Variants in CNTNAP2 observed in about 807,000 individuals in gnomAD.
CNTNAP2 encodes contactin-associated protein-like 2.
A neutral mutation model predicts 155.2 loss-of-function variants in CNTNAP2; 98 were observed. The ratio of observed to expected loss-of-function variants is 0.63; its 90% CI spans 0.54 to 0.75. CNTNAP2 has a LOEUF of 0.75. Ranked by LOEUF, CNTNAP2 falls within the 30% of genes least tolerant of loss-of-function variation. CNTNAP2 has a pLI of 0.00. For missense variants in CNTNAP2, 1,727 were observed against 1,688.1 expected, an observed-to-expected ratio of 1.02 and a Z score of -0.40; for synonymous variants, 651 against 631.2, an observed-to-expected ratio of 1.03 and a Z score of -0.47.
At chr7:147,391,372 A>G in intron 9 of CNTNAP2, among the ~76,000 whole-genome samples, 1 of 152,026 alleles carries the variant, frequency 6.6e-6, no homozygotes, top group East Asian at 1.9e-4. Flanking sequence ...TTTTTTATGT[A>G]TATAGAGGTT....
intron 13 of CNTNAP2, among the ~76,000 whole-genome samples, chr7:147,810,639 A>G (rs1798164256): frequency 6.6e-6 from 1 of 152,190 alleles, no homozygotes. Context: ...GGCTTTCTAA[A>G]AAAGCAGTCT....
At chr7:148,191,245 G>A (rs1795199158) in intron 18 of CNTNAP2, among the ~76,000 whole-genome samples, 1 of 151,912 alleles carries the variant, frequency 6.6e-6, no homozygotes, top group South Asian at 2.1e-4. Flanking sequence ...GTCCCCTTTT[G>A]TGCACTCTTG....
At chr7:147,235,784 T>C (rs550310818) in intron 8 of CNTNAP2, among the ~76,000 whole-genome samples, 1 of 152,324 alleles carries the variant, frequency 6.6e-6, no homozygotes, top group African/African-American at 2.4e-5. Flanking sequence ...AAAATCATCT[T>C]GTATTTTCCC....
intron 1 of CNTNAP2, among the ~76,000 whole-genome samples, chr7:146,563,018 A>G (rs73468424): frequency 0.03 from 4,598 of 152,298 alleles, 251 homozygotes; most frequent in African/African-American, 0.1. Flanking sequence ...CACAGATTAA[A>G]GTTTAGAGAA....
chr7:146,845,871 T>C (rs1287139600), intron 3 of CNTNAP2, among the ~76,000 whole-genome samples: 1 of 152,196 alleles, frequency 6.6e-6, no homozygotes, highest in African/African-American at 2.4e-5. Context: ...TCTGTTACCA[T>C]CATGATGGCC....
chr7:146,508,982 G>A (rs1262894882), intron 1 of CNTNAP2, among the ~76,000 whole-genome samples: 1 of 152,154 alleles, frequency 6.6e-6, no homozygotes, highest in African/African-American at 2.4e-5. Flanking sequence ...CCCGAGGGCT[G>A]CCATGGCAGT....
intron 9 of CNTNAP2, among the ~76,000 whole-genome samples, chr7:147,312,476 T>G (rs1161633674): frequency 7.3e-6 from 1 of 136,758 alleles, no homozygotes; most frequent in Non-Finnish European, 1.5e-5. Flanking sequence ...GTGTTCTCAT[T>G]GTTCAATTCC....
At chr7:147,574,592 C>A (rs1800353454) in intron 12 of CNTNAP2, among the ~76,000 whole-genome samples, 1 of 151,582 alleles carries the variant, frequency 6.6e-6, no homozygotes, top group Non-Finnish European at 1.5e-5. Context: ...TTATTTTTTT[C>A]ATTTTCTCTT....
At chr7:146,711,142 G>A (rs1801061227) in intron 1 of CNTNAP2, among the ~76,000 whole-genome samples, 1 of 150,766 alleles carries the variant, frequency 6.6e-6, no homozygotes, top group Admixed American at 6.6e-5. Context: ...ACATATATGT[G>A]TGTATATACA....
intron 4 of CNTNAP2, among the ~76,000 whole-genome samples, chr7:147,099,063 C>T (rs1348671282): frequency 6.6e-6 from 1 of 152,014 alleles, no homozygotes; most frequent in Non-Finnish European, 1.5e-5. Context: ...TGGGCAAGGT[C>T]CTTTATTGTA....
chr7:148,152,139 A>T (rs141135100), intron 17 of CNTNAP2, among the ~76,000 whole-genome samples: 1 of 152,234 alleles, frequency 6.6e-6, no homozygotes, highest in African/African-American at 2.4e-5. Flanking sequence ...CCCGCTACAC[A>T]GGTAAACCAA....
chr7:147,353,295 C>T (rs1043302932), intron 9 of CNTNAP2, among the ~76,000 whole-genome samples: 1 of 151,940 alleles, frequency 6.6e-6, no homozygotes, highest in Non-Finnish European at 1.5e-5. Flanking sequence ...TTATCCCTCC[C>T]CTTTCCCCTA....
At chr7:147,318,946 G>A (rs1795290289) in intron 9 of CNTNAP2, among the ~76,000 whole-genome samples, 1 of 151,888 alleles carries the variant, frequency 6.6e-6, no homozygotes, top group South Asian at 2.1e-4. Context: ...CATGTGGTAG[G>A]AAACAAACTA....
At chr7:147,447,214 G>A (rs754686897) in intron 10 of CNTNAP2, among the ~76,000 whole-genome samples, 8 of 152,126 alleles carry the variant, frequency 5.3e-5, no homozygotes, top group Non-Finnish European at 1.2e-4. Flanking sequence ...TTTAGAGAAT[G>A]CATGCGTAAA....
chr7:146,435,222 T>C (rs1224689478), intron 1 of CNTNAP2, among the ~76,000 whole-genome samples: 1 of 152,176 alleles, frequency 6.6e-6, no homozygotes, highest in African/African-American at 2.4e-5. Flanking sequence ...TTTAGTGTTA[T>C]TAACATTATA....
intron 5 of CNTNAP2, among the ~76,000 whole-genome samples, chr7:147,112,828 T>TTTG (rs142550469): frequency 0.01 from 1,560 of 151,522 alleles, 14 homozygotes; most frequent in African/African-American, 0.018. Flanking sequence ...TGCCCGAAGT[T>TTTG]TTGTTGTTGT....
intron 13 of CNTNAP2, among the ~76,000 whole-genome samples, chr7:147,691,232 A>G (rs552533865): frequency 2.0e-5 from 3 of 152,148 alleles, no homozygotes; most frequent in African/African-American, 7.2e-5. Flanking sequence ...GTACTATTCT[A>G]TATGTAATGA....
At chr7:147,579,520 T>C (rs1336800947) in intron 12 of CNTNAP2, among the ~76,000 whole-genome samples, 2 of 152,146 alleles carry the variant, frequency 1.3e-5, no homozygotes, top group East Asian at 3.8e-4. Flanking sequence ...ATGAGAAAAG[T>C]TTACATTATT....
At chr7:146,800,450 C>T (rs1033016855) in intron 2 of CNTNAP2, among the ~76,000 whole-genome samples, 3 of 152,202 alleles carry the variant, frequency 2.0e-5, no homozygotes, top group African/African-American at 7.2e-5. Flanking sequence ...CTCTCTAGAA[C>T]CAAAGTCTTG....
Sources: allele counts gnomAD v4.1 joint callset (sites outside exome capture counted in the v4.1 genomes callset), GRCh38; gene constraint gnomAD v4.1.1; transcripts MANE v1.5; gene names NCBI Gene and HGNC (gene_info 2026-07-23, HGNC 2026-07-21).